Variants in ATP10A observed in about 807,000 individuals in gnomAD.
The protein encoded by ATP10A is phospholipid-transporting ATPase VA.
In ATP10A, 111 loss-of-function variants were observed where a neutral mutation model predicts 147.8. That is an observed-to-expected ratio of 0.75 (90% CI 0.64 to 0.88). The LOEUF is 0.88. ATP10A is among the 40% of genes least tolerant of loss of function. ATP10A has a pLI of 0.00. For missense variants in ATP10A, 1,927 were observed against 1,959.0 expected (o/e 0.98, Z 0.31); for synonymous variants, 875 against 841.6 (o/e 1.04, Z -0.69).
chr15:25,846,283 T>A (rs1893022148), intron 1 of ATP10A, among the ~76,000 whole-genome samples: 1 of 152,176 alleles, frequency 6.6e-6, no homozygotes, highest in South Asian at 2.1e-4. Flanking sequence ...AACTGCACAC[T>A]TAAAAGGGTT....
chr15:25,773,673 T>C (rs1057499233), intron 2 of ATP10A, among the ~76,000 whole-genome samples: 5 of 152,178 alleles, frequency 3.3e-5, no homozygotes, highest in African/African-American at 9.7e-5. Flanking sequence ...TTAGAGATAA[T>C]AGAAAGTGAC....
intron 1 of ATP10A, among the ~76,000 whole-genome samples, chr15:25,850,128 T>C (rs1247669089): frequency 2.0e-5 from 3 of 152,206 alleles, no homozygotes; most frequent in Admixed American, 6.5e-5. Flanking sequence ...TTGAAACTGT[T>C]CAGTGGAGGT....
chr15:25,774,157 T>G (rs1368471494), intron 2 of ATP10A, among the ~76,000 whole-genome samples: 1 of 152,164 alleles, frequency 6.6e-6, no homozygotes, highest in Non-Finnish European at 1.5e-5. Context: ...ACTTCTGGAA[T>G]AAGAAATGAT....
At chr15:25,800,626 G>C (rs955812833) in intron 1 of ATP10A, among the ~76,000 whole-genome samples, 10 of 152,096 alleles carry the variant, frequency 6.6e-5, no homozygotes, top group African/African-American at 2.4e-4. Flanking sequence ...TTTCAAATGG[G>C]GCAAAGTGAG....
chr15:25,730,497 T>G (rs1046334653), intron 3 of ATP10A, among the ~76,000 whole-genome samples: 2 of 152,166 alleles, frequency 1.3e-5, no homozygotes, highest in African/African-American at 4.8e-5. Context: ...TGGGGCCTCA[T>G]GGCAGTGACT....
intron 1 of ATP10A, among the ~76,000 whole-genome samples, chr15:25,850,498 G>C (rs1893236708): frequency 6.6e-6 from 1 of 152,214 alleles, no homozygotes; most frequent in African/African-American, 2.4e-5. Context: ...CCCAGAAAAA[G>C]GGATGTGGCC....
intron 11 of ATP10A, 30 bp from the exon 12 acceptor site, chr15:25,708,132 C>T (rs1901157722): frequency 1.2e-6 from 2 of 1,613,134 alleles, no homozygotes; most frequent in African/African-American, 2.7e-5. Context: ...GAGTGCTGCA[C>T]CGGGCGCTGC....
intron 1 of ATP10A, among the ~76,000 whole-genome samples, chr15:25,815,354 C>A (rs1216950749): frequency 1.3e-5 from 2 of 152,106 alleles, no homozygotes; most frequent in Admixed American, 1.3e-4. Flanking sequence ...ACACTCTAAG[C>A]CTGTTTTCTC....
chr15:25,789,720 A>G (rs1890325492), intron 1 of ATP10A, among the ~76,000 whole-genome samples: 2 of 152,166 alleles, frequency 1.3e-5, no homozygotes, highest in Non-Finnish European at 2.9e-5. Flanking sequence ...AATGCCAGCA[A>G]CAATAGCTTT....
chr15:25,722,275 C>G lies in ATP10A; in HGVS notation c.1111-366G>C, dbSNP rs146021163. ...AGTCAGTCCTCATAAGCAAGGTCACCTCACACCACACTCCATGGTGGCATT... is the reference window on the plus strand; with the variant it reads ...AGTCAGTCCTCATAAGCAAGGTCACGTCACACCACACTCCATGGTGGCATT... On this transcript the variant is annotated intron_variant, in intron 6 of 20. Coordinates refer to ENST00000555815, the MANE Select transcript of ATP10A (RefSeq NM_024490.4). Among the ~76,000 whole-genome samples, 67 of 152,268 alleles carry G rather than the reference C, an allele frequency of 4.4e-4. 2 individuals carry two copies. Among genetic ancestry groups the G allele is most frequent in the African/African-American group, 1.5e-3 (64 of 41,548 alleles).
chr15:25,790,294 A>T (rs1426814070), intron 1 of ATP10A, among the ~76,000 whole-genome samples: 1 of 152,226 alleles, frequency 6.6e-6, no homozygotes, highest in Non-Finnish European at 1.5e-5. Context: ...GATGCACAAA[A>T]TGTATTTTCT....
chr15:25,816,152 A>T (rs1891645576), intron 1 of ATP10A, among the ~76,000 whole-genome samples: 1 of 151,986 alleles, frequency 6.6e-6, no homozygotes, highest in Non-Finnish European at 1.5e-5. Context: ...TTAAGTTGGT[A>T]AACAGAACTT....
intron 2 of ATP10A, among the ~76,000 whole-genome samples, chr15:25,769,963 G>A (rs1236320306): frequency 6.6e-6 from 1 of 152,168 alleles, no homozygotes; most frequent in African/African-American, 2.4e-5. Flanking sequence ...GACATACACA[G>A]AGGGACGACC....
At chr15:25,850,766 C>A (rs1386330440) in intron 1 of ATP10A, among the ~76,000 whole-genome samples, 1 of 152,110 alleles carries the variant, frequency 6.6e-6, no homozygotes, top group Non-Finnish European at 1.5e-5. Flanking sequence ...CCAAAGATCA[C>A]ATCTGAACAA....
Position 25,714,073 on chromosome 15 carries a change from C to G in ATP10A, c.1945G>C (p.Gly649Arg), listed in dbSNP as rs369599033. ...CTCTCCTCCAGCCTGAGAAGCATGCCGTCGCTGGACGGGGTGGACGGGAAG... is the reference window on the plus strand; with the variant it reads ...CTCTCCTCCAGCCTGAGAAGCATGCGGTCGCTGGACGGGGTGGACGGGAAG... ...SSFPSTPSSD[G>R]MLLRLEERLG... Residue 649 changes from glycine to arginine, a missense_variant, in exon 10 of 21, where the codon GGC (glycine) becomes CGC (arginine). Gly to Arg is a moderately radical substitution (Grantham distance 125). Coordinates refer to ENST00000555815, the MANE Select transcript of ATP10A (RefSeq NM_024490.4). 14 of 1,613,006 alleles carry G rather than the reference C, an allele frequency of 8.7e-6. No individual in the cohort carries two copies. Among genetic ancestry groups the G allele is most frequent in the South Asian group, 3.3e-5 (3 of 91,084 alleles).
intron 15 of ATP10A, among the ~76,000 whole-genome samples, chr15:25,688,836 C>T (rs904084807): frequency 6.6e-6 from 1 of 152,228 alleles, no homozygotes; most frequent in Non-Finnish European, 1.5e-5. Flanking sequence ...CCCTCTACCT[C>T]TTGCTGTCAA....
intron 5 of ATP10A, 94 bp from the exon 6 acceptor site, chr15:25,724,115 C>T: frequency 7.8e-7 from 1 of 1,275,958 alleles, no homozygotes; most frequent in Admixed American, 2.8e-5. Context: ...TATTTGTTAC[C>T]TGATGCAAGC....
intron 3 of ATP10A, among the ~76,000 whole-genome samples, chr15:25,730,980 C>T (rs1902947944): frequency 6.6e-6 from 1 of 152,150 alleles, no homozygotes; most frequent in African/African-American, 2.4e-5. Context: ...TGGTCACTGG[C>T]AGTAAAGACA....
intron 3 of ATP10A, 91 bp downstream of exon 3, chr15:25,735,965 A>C: frequency 8.7e-7 from 1 of 1,154,244 alleles, no homozygotes; most frequent in Non-Finnish European, 1.3e-6. Context: ...AAAGAGTATT[A>C]AATGCATACT....
Sources: gnomAD v4.1 joint callset for allele counts (sites outside exome capture counted in the v4.1 genomes callset) on GRCh38, gnomAD v4.1.1 for gene constraint, MANE v1.5 for transcripts, NCBI Gene and HGNC (gene_info 2026-07-23, HGNC 2026-07-21) for gene names.